Variants in TMEM45B observed in about 807,000 individuals in gnomAD.
TMEM45B encodes the protein transmembrane protein 45B.
TMEM45B carries 29 observed loss-of-function variants against 27.3 expected under a neutral mutation model. That is an observed-to-expected ratio of 1.06 (90% confidence interval 0.79 to 1.45). TMEM45B has a LOEUF of 1.45. Among genes scored for constraint, TMEM45B ranks in the 40% most tolerant of loss-of-function variants. The pLI is 0.00. For synonymous variants in TMEM45B, 143 were observed against 134.7 expected, an observed-to-expected ratio of 1.06 and a Z score of -0.43; for missense variants, 348 against 343.9, an observed-to-expected ratio of 1.01 and a Z score of -0.09.
rs868107410 is a variant in TMEM45B, at chr11:129,848,077, C to T, written c.-8-4398C>T. On this transcript the variant is annotated intron_variant, in intron 1 of 5. Transcript: ENST00000281441. The stretch of plus-strand genomic sequence containing the variant: ...GGCTCCTCACATCCCAGACGATGGG[C>T]GGCCAGGCAGAGACACTCCTCACTT... Among the ~76,000 whole-genome samples, 110 of 151,466 alleles carry T rather than the reference C, an allele frequency of 7.3e-4. 1 individual carries two copies. In the Middle Eastern group the frequency reaches 0.014, roughly 19 times the overall value.
chr11:129,844,674 G>A (rs923313440), intron 1 of TMEM45B, among the ~76,000 whole-genome samples: 3 of 152,218 alleles, frequency 2.0e-5, no homozygotes, highest in Admixed American at 6.5e-5. Flanking sequence ...GTGATAGGGC[G>A]AGACCCTGTC....
At chr11:129,841,940 A>G (rs1474756555) in intron 1 of TMEM45B, among the ~76,000 whole-genome samples, 2 of 152,274 alleles carry the variant, frequency 1.3e-5, no homozygotes, top group Non-Finnish European at 2.9e-5. Context: ...AAAAGAAAAT[A>G]TGATTTAAAT....
intron 1 of TMEM45B, among the ~76,000 whole-genome samples, chr11:129,834,581 C>A (rs552013510): frequency 3.2e-4 from 49 of 152,160 alleles, no homozygotes; most frequent in African/African-American, 1.2e-3. Context: ...GAGGCCAAGA[C>A]ATGTGGATCA....
chr11:129,856,807 C>G (rs1565375254), intron 4 of TMEM45B, among the ~76,000 whole-genome samples: 1 of 151,660 alleles, frequency 6.6e-6, no homozygotes, highest in Non-Finnish European at 1.5e-5. Context: ...TATCCACCCA[C>G]CTCAGCCTCC....
chr11:129,848,749 C>T (rs1443911713), intron 1 of TMEM45B, among the ~76,000 whole-genome samples: 1 of 152,122 alleles, frequency 6.6e-6, no homozygotes, highest in Non-Finnish European at 1.5e-5. Flanking sequence ...GACTGGGTAA[C>T]TTATAAAGAA....
At chr11:129,819,375 A>G (rs1215616609) in intron 1 of TMEM45B, among the ~76,000 whole-genome samples, 1 of 152,146 alleles carries the variant, frequency 6.6e-6, no homozygotes, top group Non-Finnish European at 1.5e-5. Flanking sequence ...GGGGCTGGGA[A>G]AGGGGTTCCG....
chr11:129,847,342 A>G (rs945449690), intron 1 of TMEM45B, among the ~76,000 whole-genome samples: 3 of 152,188 alleles, frequency 2.0e-5, no homozygotes, highest in African/African-American at 7.2e-5. Flanking sequence ...GCTTTTCACT[A>G]TAAGTCTTTC....
rs551477648 is a variant in TMEM45B at position 129,858,278 on chromosome 11, G to A, written c.717-296G>A. Among the ~76,000 whole-genome samples the A allele has an allele frequency of 1.9e-3, 294 of 152,192 alleles. 1 individual carries two copies. The highest frequency in any genetic ancestry group is 6.3e-3 in the African/African-American group (260 of 41,514). On this transcript the variant is annotated intron_variant, in intron 5 of 5. Transcript: ENST00000281441. ...ATTTCATCCAGAAAGAGTTCCACACGGACCAAAGAGAAGGGAGCTCAAGTC... is the reference window on the plus strand; with the variant it reads ...ATTTCATCCAGAAAGAGTTCCACACAGACCAAAGAGAAGGGAGCTCAAGTC...
At chr11:129,828,973 C>A (rs1947518192) in intron 1 of TMEM45B, among the ~76,000 whole-genome samples, 1 of 152,172 alleles carries the variant, frequency 6.6e-6, no homozygotes, top group Admixed American at 6.5e-5. Context: ...AATAGTGTAC[C>A]AGCACCAGAC....
intron 5 of TMEM45B, among the ~76,000 whole-genome samples, chr11:129,857,911 G>A (rs1001662718): frequency 6.6e-6 from 1 of 152,180 alleles, no homozygotes; most frequent in African/African-American, 2.4e-5. Context: ...GCTCCTTAGA[G>A]GTATACAGAT....
chr11:129,838,226 A>G (rs992246495), intron 1 of TMEM45B, among the ~76,000 whole-genome samples: 1 of 152,260 alleles, frequency 6.6e-6, no homozygotes, highest in Admixed American at 6.5e-5. Flanking sequence ...GCAGGATCTC[A>G]CAGCCTCGAC....
At chr11:129,838,637 G>A (rs1947653684) in intron 1 of TMEM45B, among the ~76,000 whole-genome samples, 1 of 152,054 alleles carries the variant, frequency 6.6e-6, no homozygotes, top group South Asian at 2.1e-4. Context: ...AGTCAAACAC[G>A]TGGTTGGAAC....
intron 1 of TMEM45B, among the ~76,000 whole-genome samples, chr11:129,825,735 G>A (rs1267204130): frequency 6.6e-6 from 1 of 152,136 alleles, no homozygotes; most frequent in East Asian, 1.9e-4. Flanking sequence ...GATGCTGAGG[G>A]AAGGAAGGAA....
chr11:129,837,585 C>CCTTTTTTTTTTTTTTTTTTTTTTTT lies in TMEM45B; in HGVS notation c.-8-14890_-8-14889insCTTTTTTTTTTTTTTTTTTTTTTTT, dbSNP rs1947636610. Among the ~76,000 whole-genome samples, 20 of 80,286 alleles carry CCTTTTTTTTTTTTTTTTTTTTTTTT rather than the reference C, an allele frequency of 2.5e-4. 1 individual carries two copies. The highest frequency in any genetic ancestry group is 7.8e-4 in the African/African-American group (18 of 23,186). 52.7% of individuals were successfully genotyped at this position (80,286 alleles called of 152,430 possible). A position where few individuals can be genotyped will look rare whatever the true frequency, so the allele number is the denominator to read the frequency against. On this transcript the variant is annotated intron_variant, in intron 1 of 5. Transcript: ENST00000281441. ...TACAGGCATGAGCCACTGCACTGGGCTTTTTTTTTTTTTTTGAGACAGGGT... is the reference window on the plus strand; with the variant it reads ...TACAGGCATGAGCCACTGCACTGGGCCTTTTTTTTTTTTTTTTTTTTTTTTTTTTTTTTTTTTTTTGAGACAGGGT...
chr11:129,822,228 G>A (rs1029367150), intron 1 of TMEM45B, among the ~76,000 whole-genome samples: 3 of 152,206 alleles, frequency 2.0e-5, no homozygotes, highest in East Asian at 1.9e-4. Flanking sequence ...TTTCATGAAC[G>A]CAGCATCTTC....
In TMEM45B at chr11:129,824,145, C is replaced by T. The variant is rs545714786; in HGVS notation, c.-9+8247C>T. ...GCCATTACTGAGATAGCTCCTGCTT[C>T]GGTCTCACTGGGGCTGTTTATTTCT... On this transcript the variant is annotated intron_variant, in intron 1 of 5. Transcript: ENST00000281441. 7.2e-5 allele frequency among the ~76,000 whole-genome samples: 11 copies of T among 152,282 alleles called. No homozygotes were observed. The South Asian group carries it at 1.2e-3, about 17-fold the overall frequency.
chr11:129,827,591 G>A (rs148057352), intron 1 of TMEM45B, among the ~76,000 whole-genome samples: 2,749 of 152,138 alleles, frequency 0.018, 62 homozygotes, highest in African/African-American at 0.06. Context: ...ATCACGTGAG[G>A]TCGGGAGTTT....
intron 1 of TMEM45B, among the ~76,000 whole-genome samples, chr11:129,835,449 T>C (rs1318323067): frequency 2.6e-5 from 4 of 152,114 alleles, no homozygotes; most frequent in Non-Finnish European, 4.4e-5. Context: ...CCAGCAGACA[T>C]TGCCAGTTTG....
chr11:129,822,510 AT>A (rs1199418115), intron 1 of TMEM45B, among the ~76,000 whole-genome samples: 9 of 152,220 alleles, frequency 5.9e-5, no homozygotes. Context: ...TCTAGTACAT[AT>A]AATGGGTTTC....
Sources: gnomAD v4.1 joint callset for allele counts (sites outside exome capture counted in the v4.1 genomes callset) on GRCh38, gnomAD v4.1.1 for gene constraint, MANE v1.5 for transcripts, NCBI Gene and HGNC (gene_info 2026-07-23, HGNC 2026-07-21) for gene names.